NAALADL2: variants seen among roughly 807,000 people sequenced by gnomAD.
NAALADL2 encodes the protein N-acetylated alpha-linked acidic dipeptidase like 2, also known as inactive N-acetylated-alpha-linked acidic dipeptidase-like protein 2.
In NAALADL2, 76 loss-of-function variants were observed where a neutral mutation model predicts 87.2. The observed-to-expected ratio is 0.87, with a 90% CI of 0.72 to 1.05. The LOEUF (loss-of-function observed/expected upper bound fraction) is 1.05, where lower values mean the gene tolerates loss of function less well. Ranked by LOEUF, NAALADL2 falls within the 50% of genes least tolerant of loss-of-function variation. NAALADL2 has a pLI of 0.00. For synonymous variants in NAALADL2, 354 were observed against 331.0 expected, an observed-to-expected ratio of 1.07 and a Z score of -0.75; for missense variants, 1,089 against 945.8, an observed-to-expected ratio of 1.15 and a Z score of -1.99.
intron 1 of NAALADL2, among the ~76,000 whole-genome samples, chr3:175,049,188 T>G (rs1251541631): frequency 1.3e-5 from 2 of 152,060 alleles, no homozygotes; most frequent in Non-Finnish European, 2.9e-5. Context: ...TCTTGATGAT[T>G]TAGTATTGGA....
chr3:174,531,268 A>AT (rs368865956), intron 1 of NAALADL2, among the ~76,000 whole-genome samples: 1,771 of 143,906 alleles, frequency 0.012, 12 homozygotes, highest in Non-Finnish European at 0.016. Context: ...ATGGCTCTGC[A>AT]TTTTTTTTTT....
intron 13 of NAALADL2, among the ~76,000 whole-genome samples, chr3:175,785,260 G>T (rs1751763145): frequency 1.3e-5 from 2 of 150,244 alleles, no homozygotes; most frequent in Admixed American, 1.3e-4. Context: ...GGGTATCCTT[G>T]TTGACTTTCT....
chr3:174,467,876 C>A (rs1441080128), intron 1 of NAALADL2, among the ~76,000 whole-genome samples: 1 of 151,816 alleles, frequency 6.6e-6, no homozygotes, highest in East Asian at 1.9e-4. Context: ...ATAAATATGG[C>A]TGAACAAAAT....
At chr3:175,779,310 G>A (rs1163971309) in intron 13 of NAALADL2, among the ~76,000 whole-genome samples, 1 of 152,080 alleles carries the variant, frequency 6.6e-6, no homozygotes, top group African/African-American at 2.4e-5. Flanking sequence ...GCCTATCTGG[G>A]GGCAGTGTAT....
intron 11 of NAALADL2, among the ~76,000 whole-genome samples, chr3:175,633,467 G>T (rs2149734697): frequency 6.6e-6 from 1 of 152,070 alleles, no homozygotes; most frequent in South Asian, 2.1e-4. Flanking sequence ...GAAGAGAAAG[G>T]CTTTAAAAAT....
At chr3:175,626,352 C>T (rs1726980966) in intron 10 of NAALADL2, among the ~76,000 whole-genome samples, 1 of 151,858 alleles carries the variant, frequency 6.6e-6, no homozygotes, top group East Asian at 1.9e-4. Context: ...TCAATGTTAT[C>T]TTAAATACAG....
At chr3:175,174,995 T>G (rs1735501717) in intron 2 of NAALADL2, among the ~76,000 whole-genome samples, 1 of 152,056 alleles carries the variant, frequency 6.6e-6, no homozygotes, top group African/African-American at 2.4e-5. Flanking sequence ...AATTTGTAAA[T>G]GATATTGAAT....
chr3:175,727,269 C>T lies in NAALADL2; in HGVS notation c.1897-10037C>T, dbSNP rs147091023. On this transcript the variant is annotated intron_variant, in intron 11 of 13. Coordinates refer to ENST00000454872, the MANE Select transcript of NAALADL2 (RefSeq NM_207015.3). ...GGTGGTGACTGAAACAGCAGTTTCT[C>T]AGCACGCTGAGAGAAAAGAACTCTT... Among the ~76,000 whole-genome samples the T allele has an allele frequency of 1.3e-3, 205 of 152,214 alleles. 2 individuals carry two copies. The highest frequency in any genetic ancestry group is 4.6e-3 in the African/African-American group (190 of 41,528).
intron 1 of NAALADL2, among the ~76,000 whole-genome samples, chr3:175,061,632 C>T (rs944053802): frequency 1.1e-4 from 16 of 151,678 alleles, no homozygotes; most frequent in African/African-American, 2.4e-4. Context: ...ATCTAAATTT[C>T]CTCAGTCTTA....
At chr3:175,616,922 G>C (rs940568980) in intron 10 of NAALADL2, among the ~76,000 whole-genome samples, 1 of 152,050 alleles carries the variant, frequency 6.6e-6, no homozygotes, top group Non-Finnish European at 1.5e-5. Flanking sequence ...TCAGTATGGC[G>C]GTTGCGGTTC....
At chr3:175,358,654 GT>G (rs1321778337) in intron 5 of NAALADL2, among the ~76,000 whole-genome samples, 1 of 152,130 alleles carries the variant, frequency 6.6e-6, no homozygotes. Flanking sequence ...ATTTTTCTCT[GT>G]ACTATACTGT....
intron 12 of NAALADL2, among the ~76,000 whole-genome samples, chr3:175,751,073 T>C (rs773376066): frequency 1.3e-5 from 2 of 152,164 alleles, no homozygotes; most frequent in Non-Finnish European, 2.9e-5. Context: ...TATTGTATTA[T>C]ATTAAGCTTG....
At chr3:174,897,099 G>C (rs1245676066) in intron 1 of NAALADL2, among the ~76,000 whole-genome samples, 1 of 152,096 alleles carries the variant, frequency 6.6e-6, no homozygotes, top group Non-Finnish European at 1.5e-5. Flanking sequence ...CCAGGATATT[G>C]GTCTGGGGAA....
intron 4 of NAALADL2, among the ~76,000 whole-genome samples, chr3:175,272,144 A>C (rs1752932596): frequency 6.6e-6 from 1 of 152,192 alleles, no homozygotes; most frequent in Admixed American, 6.5e-5. Context: ...GAGACTAAGG[A>C]GTTTGTCATT....
chr3:175,017,515 C>T (rs748999150), intron 1 of NAALADL2, among the ~76,000 whole-genome samples: 27 of 151,994 alleles, frequency 1.8e-4, no homozygotes, highest in Admixed American at 8.6e-4. Context: ...CTTCCTGGAA[C>T]CTTATTGTAT....
chr3:174,770,809 A>G (rs1328479022), intron 3 of NAALADL2, among the ~76,000 whole-genome samples: 3 of 151,596 alleles, frequency 2.0e-5, no homozygotes, highest in Non-Finnish European at 4.4e-5. Context: ...ACTACACTCC[A>G]TGCACTCCAG....
At chr3:175,261,982 C>T (rs774846494) in intron 4 of NAALADL2, among the ~76,000 whole-genome samples, 62 of 152,108 alleles carry the variant, frequency 4.1e-4, no homozygotes, top group East Asian at 5.8e-4. Flanking sequence ...TTTGTACTTT[C>T]AAGTAAATTG....
chr3:174,847,576 G>C (rs1312679314), intron 3 of NAALADL2, among the ~76,000 whole-genome samples: 1 of 152,100 alleles, frequency 6.6e-6, no homozygotes, highest in Non-Finnish European at 1.5e-5. Flanking sequence ...AATTTTGTTG[G>C]GGTGATAGTG....
At chr3:175,137,030 G>T (rs1729214775) in intron 2 of NAALADL2, among the ~76,000 whole-genome samples, 1 of 152,092 alleles carries the variant, frequency 6.6e-6, no homozygotes, top group African/African-American at 2.4e-5. Context: ...GGAACTTAAT[G>T]ATGGAATTTG....
Sources: gnomAD v4.1 joint callset for allele counts (sites outside exome capture counted in the v4.1 genomes callset) on GRCh38, gnomAD v4.1.1 for gene constraint, MANE v1.5 for transcripts, NCBI Gene and HGNC (gene_info 2026-07-23, HGNC 2026-07-21) for gene names.